PRKAR1A: variants seen among roughly 807,000 people sequenced by gnomAD.
PRKAR1A encodes protein kinase cAMP-dependent type I regulatory subunit alpha.
A neutral mutation model predicts 52.0 loss-of-function variants in PRKAR1A; 3 were observed. That is an observed-to-expected ratio of 0.06 (90% confidence interval 0.03 to 0.15). The LOEUF (loss-of-function observed/expected upper bound fraction) is 0.15. PRKAR1A is among the 10% of genes least tolerant of loss of function. The pLI is 1.00. For synonymous variants in PRKAR1A, 188 were observed against 168.4 expected (o/e 1.12, Z -0.90); for missense variants, 240 against 477.4 (o/e 0.50, Z 4.63).
chr17:68,515,797 T>G, intron 2 of PRKAR1A: 1 of 592,484 alleles, frequency 1.7e-6, no homozygotes, highest in South Asian at 2.0e-5. Context: ...CTAACTGTAC[T>G]TGGCTAATAA....
chr17:68,541,704 C>T (rs2086303687), intron 11 of PRKAR1A: 1 of 357,636 alleles, frequency 2.8e-6, no homozygotes, highest in East Asian at 5.1e-5. Context: ...GTCTGTTCTC[C>T]CCACTAGACC....
chr17:68,489,880 A>C, the PRKAR1A span, among the ~76,000 whole-genome samples: 2 of 152,000 alleles, frequency 1.3e-5, no homozygotes, highest in Non-Finnish European at 2.9e-5. Context: ...TGCTCCAAAG[A>C]GGTGTGGGGT....
upstream of PRKAR1A, among the ~76,000 whole-genome samples, chr17:68,509,637 T>G (rs190466241): frequency 1.6e-4 from 25 of 152,284 alleles, no homozygotes; most frequent in East Asian, 1.3e-3. Context: ...TGAAACATAA[T>G]TTACGAATAC....
At chr17:68,537,886 G>T, downstream of PRKAR1A, 2 of 963,310 alleles carry the variant, frequency 2.1e-6, no homozygotes, top group Admixed American at 2.1e-5. The surrounding 1 kb of genome is among the most constrained non-coding windows in gnomAD (Gnocchi z 4.2). Flanking sequence ...ATGGAAACCA[G>T]GTAAAAAGGG....
At chr17:68,550,968 T>C (rs1467960269) in intron 11 of PRKAR1A, 3 of 924,764 alleles carry the variant, frequency 3.2e-6, no homozygotes, top group Non-Finnish European at 4.2e-6. Context: ...TCCCCTTGAA[T>C]GGCTGAAGGT....
At chr17:68,448,315 T>C in the PRKAR1A span, 2 of 152,214 alleles carry the variant, frequency 1.3e-5, no homozygotes, top group Non-Finnish European at 2.9e-5. Context: ...CTGTTTCAAA[T>C]CATTCTTGTC....
chr17:68,523,087 C>T (rs569513439), intron 3 of PRKAR1A, among the ~76,000 whole-genome samples, 161 bp downstream of exon 3: 3 of 152,256 alleles, frequency 2.0e-5, no homozygotes, highest in Admixed American at 1.3e-4. Context: ...TAATAGCATG[C>T]TGTCAGAGGA....
chr17:68,534,602 T>G (rs1374794992), downstream of PRKAR1A, among the ~76,000 whole-genome samples: 5 of 151,466 alleles, frequency 3.3e-5, no homozygotes, highest in East Asian at 1.9e-4. Flanking sequence ...TTTTTTGTTG[T>G]TGGTGATTTC....
At chr17:68,420,389 G>T in the PRKAR1A span, 1 of 1,614,140 alleles carries the variant, frequency 6.2e-7, no homozygotes, top group South Asian at 1.1e-5. Context: ...CTCCAGCGCA[G>T]ATTACACTCA....
chr17:68,450,896 A>G, the PRKAR1A span: 6 of 1,611,004 alleles, frequency 3.7e-6, no homozygotes, highest in African/African-American at 8.0e-5. Context: ...CCGGGATTTC[A>G]TCTGGGAGGA....
At chr17:68,484,955 G>T in the PRKAR1A span, among the ~76,000 whole-genome samples, 1 of 152,144 alleles carries the variant, frequency 6.6e-6, no homozygotes, top group African/African-American at 2.4e-5. Flanking sequence ...TGTGTTTTCT[G>T]CCACAATGGC....
At chr17:68,419,819 G>A in the PRKAR1A span, among the ~76,000 whole-genome samples, 2 of 150,404 alleles carry the variant, frequency 1.3e-5, no homozygotes, top group South Asian at 2.1e-4. Flanking sequence ...AAAGTTGGGC[G>A]TGGTGGTGCA....
chr17:68,531,558 G>A lies in PRKAR1A; in HGVS notation c.*1109G>A. On this transcript the variant is annotated 3_prime_UTR_variant, in exon 11 of 11. Coordinates refer to ENST00000589228, the MANE Select transcript of PRKAR1A (RefSeq NM_002734.5). ...GGAAGAAGTTTTTTACTTTGGTTTAGTCTTTTTTTCCTTCCTTTTTATTCA... is the reference window on the plus strand; with the variant it reads ...GGAAGAAGTTTTTTACTTTGGTTTAATCTTTTTTTCCTTCCTTTTTATTCA... 3.8e-6 allele frequency: 4 copies of A among 1,066,310 alleles called. No homozygotes were observed. The highest frequency in any genetic ancestry group is 1.6e-5 in the African/African-American group (1 of 61,206). 66.1% of individuals were successfully genotyped at this position (1,066,310 alleles called of 1,614,324 possible).
chr17:68,508,325 A>G (rs930050412), upstream of PRKAR1A, among the ~76,000 whole-genome samples: 20 of 152,246 alleles, frequency 1.3e-4, no homozygotes, highest in Admixed American at 9.2e-4. Flanking sequence ...AATGTGGTAC[A>G]TATACACCAT....
the PRKAR1A span, chr17:68,427,083 G>T: frequency 6.8e-7 from 1 of 1,464,286 alleles, no homozygotes; most frequent in Non-Finnish European, 9.6e-7. Context: ...AGGGAGAAGG[G>T]GAGGGAGGTC....
At chr17:68,525,386 G>A (rs1407704127) in intron 6 of PRKAR1A, among the ~76,000 whole-genome samples, 2 of 151,780 alleles carry the variant, frequency 1.3e-5, no homozygotes, top group African/African-American at 4.8e-5. Flanking sequence ...GACAATAATA[G>A]CATTGATCTT....
At chr17:68,452,785 T>C in the PRKAR1A span, 1 of 722,822 alleles carries the variant, frequency 1.4e-6, no homozygotes, top group East Asian at 2.7e-5. Context: ...CTAAAAATCT[T>C]GACTCCCTAA....
the PRKAR1A span, among the ~76,000 whole-genome samples, chr17:68,464,706 A>C: frequency 0.54 from 79,201 of 146,450 alleles, 22,094 homozygotes; most frequent in Non-Finnish European, 0.62. Flanking sequence ...AAACAAAAAA[A>C]ACAAAAAAAA....
chr17:68,425,786 C>A, the PRKAR1A span: 1 of 344,028 alleles, frequency 2.9e-6, no homozygotes, highest in Non-Finnish European at 5.3e-6. Flanking sequence ...GCTACAGAAG[C>A]AAAGTAAGGG....
Sources: gnomAD v4.1 joint callset for allele counts (sites outside exome capture counted in the v4.1 genomes callset) on GRCh38, gnomAD v4.1.1 for gene constraint, Gnocchi (gnomAD v3.1) non-coding constraint, MANE v1.5 for transcripts, NCBI Gene and HGNC (gene_info 2026-07-23, HGNC 2026-07-21) for gene names.